Variants in ADGRL2 observed in about 807,000 individuals in gnomAD.
The protein encoded by ADGRL2 is adhesion G protein-coupled receptor L2.
A neutral mutation model predicts 157.4 loss-of-function variants in ADGRL2; 44 were observed. The observed-to-expected ratio is 0.28, with a 90% CI of 0.22 to 0.36. The LOEUF is 0.36. Ranked by LOEUF, ADGRL2 falls within the 10% of genes least tolerant of loss-of-function variation. The pLI, the probability that ADGRL2 is intolerant of heterozygous loss-of-function variation, is 1.00. For synonymous variants in ADGRL2, 585 were observed against 624.7 expected (o/e 0.94, Z 0.95); for missense variants, 1,510 against 1,768.9 (o/e 0.85, Z 2.63).
intron 1 of ADGRL2, among the ~76,000 whole-genome samples, chr1:81,393,796 C>A (rs976927000): frequency 6.7e-6 from 1 of 149,126 alleles, no homozygotes; most frequent in Non-Finnish European, 1.5e-5. Flanking sequence ...TGAACATCTA[C>A]TATGTTAATA....
intron 3 of ADGRL2, among the ~76,000 whole-genome samples, chr1:81,689,346 A>G (rs1341373213): frequency 2.0e-5 from 3 of 152,126 alleles, no homozygotes; most frequent in African/African-American, 4.8e-5. Context: ...TTTATTCGAC[A>G]TAGATCTGTT....
intron 2 of ADGRL2, among the ~76,000 whole-genome samples, chr1:81,466,984 C>CT (rs930813787): frequency 1.3e-5 from 2 of 150,724 alleles, no homozygotes; most frequent in African/African-American, 4.9e-5. Context: ...TGCCGTCTTC[C>CT]TTTCTTCCTT....
intron 3 of ADGRL2, among the ~76,000 whole-genome samples, chr1:81,636,761 A>G (rs1041358240): frequency 6.6e-6 from 1 of 152,194 alleles, no homozygotes; most frequent in African/African-American, 2.4e-5. Flanking sequence ...GCTAATGTGC[A>G]TTTTCATATA....
At chr1:81,559,382 A>G (rs368893704) in intron 2 of ADGRL2, among the ~76,000 whole-genome samples, 12 of 152,106 alleles carry the variant, frequency 7.9e-5, no homozygotes, top group African/African-American at 2.7e-4. Context: ...AATTGGTATC[A>G]TGTACAGTTC....
intron 1 of ADGRL2, among the ~76,000 whole-genome samples, chr1:81,714,127 C>T (rs971310156): frequency 6.6e-6 from 1 of 152,146 alleles, no homozygotes; most frequent in Admixed American, 6.5e-5. Flanking sequence ...ATTCCATTAC[C>T]TCCCACCAGG....
chr1:81,993,058 C>CATACATATATATAT lies in ADGRL2; in HGVS notation c.*1916_*1917insCATATATATATATA, dbSNP rs1664821766. On this transcript the variant is annotated 3_prime_UTR_variant, in exon 24 of 24. Coordinates refer to ENST00000686636, the MANE Select transcript of ADGRL2 (RefSeq NM_001366006.2). The stretch of plus-strand genomic sequence containing the variant: ...AAATTAAGTGCATATATATAATATA[C>CATACATATATATAT]ATATATATATATATATATATATATA... 2.4e-5 allele frequency among the ~76,000 whole-genome samples: 1 copy of CATACATATATATAT among 40,848 alleles called. No homozygotes were observed. The highest frequency in any genetic ancestry group is 3.8e-5 in the Non-Finnish European group (1 of 25,976). 26.8% of individuals were successfully genotyped at this position (40,848 alleles called of 152,430 possible).
chr1:81,389,343 A>C (rs1232273417), intron 1 of ADGRL2, among the ~76,000 whole-genome samples: 2 of 152,196 alleles, frequency 1.3e-5, no homozygotes, highest in Non-Finnish European at 2.9e-5. Flanking sequence ...TAAAAAGACA[A>C]AATAATTTTG....
chr1:81,471,795 A>G (rs1006741107), intron 2 of ADGRL2, among the ~76,000 whole-genome samples: 1 of 152,184 alleles, frequency 6.6e-6, no homozygotes, highest in Non-Finnish European at 1.5e-5. Flanking sequence ...TAAATTTTAT[A>G]TTTCATTTTA....
At chr1:81,615,282 G>A (rs993927848) in intron 3 of ADGRL2, among the ~76,000 whole-genome samples, 3 of 152,208 alleles carry the variant, frequency 2.0e-5, no homozygotes, top group Non-Finnish European at 4.4e-5. Context: ...CCAATCAGCA[G>A]GATGTGGGTG....
At chr1:81,784,792 G>A (rs375729930) in intron 2 of ADGRL2, among the ~76,000 whole-genome samples, 4 of 150,466 alleles carry the variant, frequency 2.7e-5, no homozygotes, top group Non-Finnish European at 4.4e-5. Context: ...AAAAAATTCC[G>A]CTTTTCAATG....
intron 2 of ADGRL2, among the ~76,000 whole-genome samples, chr1:81,763,924 T>G (rs2149318248): frequency 6.6e-6 from 1 of 152,200 alleles, no homozygotes; most frequent in South Asian, 2.1e-4. Context: ...GGGGATCGCT[T>G]GAACCCAGGA....
intron 1 of ADGRL2, among the ~76,000 whole-genome samples, chr1:81,436,734 A>G (rs1420339897): frequency 6.6e-6 from 1 of 152,180 alleles, no homozygotes; most frequent in African/African-American, 2.4e-5. Flanking sequence ...TATGCCAGGG[A>G]CTGGTCTGCT....
At chr1:81,690,364 A>G (rs1570844333) in intron 3 of ADGRL2, among the ~76,000 whole-genome samples, 2 of 152,266 alleles carry the variant, frequency 1.3e-5, no homozygotes, top group East Asian at 3.9e-4. Flanking sequence ...ATGGTGGTGC[A>G]TGCCTGTAGT....
At chr1:81,503,110 T>A (rs1174174056) in intron 2 of ADGRL2, 13 of 1,612,750 alleles carry the variant, frequency 8.1e-6, no homozygotes, top group Non-Finnish European at 1.1e-5. Context: ...GTCGAGGCTG[T>A]CTGAGGAGGA....
rs150892821 is a variant in ADGRL2 at position 81,458,426 on chromosome 1, C to T, written c.-248+13337C>T. On this transcript the variant is annotated intron_variant, in intron 2 of 24. Transcript: ENST00000370721. ...GAGTGAGAGGGAATGGCGCCCGGCA[C>T]GTTCTTTTCTGCTGCAGCCAGAGGA... Among the ~76,000 whole-genome samples the T allele has an allele frequency of 5.9e-3, 894 of 152,296 alleles. 10 individuals are homozygous for T. The highest frequency in any genetic ancestry group is 0.021 in the African/African-American group (853 of 41,558).
intron 2 of ADGRL2, among the ~76,000 whole-genome samples, chr1:81,846,563 A>G (rs370254296): frequency 1.3e-5 from 2 of 151,996 alleles, no homozygotes; most frequent in African/African-American, 4.8e-5. Flanking sequence ...AAAAGGATCC[A>G]AGTAAAATTC....
chr1:81,984,938 C>G (rs1662728672), intron 20 of ADGRL2, among the ~76,000 whole-genome samples: 1 of 151,942 alleles, frequency 6.6e-6, no homozygotes. Flanking sequence ...GTGTCATAAT[C>G]GTCTTATAGC....
chr1:81,502,710 C>T, intron 2 of ADGRL2: 1 of 1,613,580 alleles, frequency 6.2e-7, no homozygotes, highest in Non-Finnish European at 8.5e-7. Context: ...AGAAGAAAGC[C>T]TTGAGTTCCC....
intron 1 of ADGRL2, among the ~76,000 whole-genome samples, chr1:81,422,903 A>T (rs1415568112): frequency 6.6e-6 from 1 of 152,170 alleles, no homozygotes; most frequent in Non-Finnish European, 1.5e-5. Flanking sequence ...TTTCAAATCT[A>T]TGCTGTGTTG....
Sources: gnomAD v4.1 joint callset for allele counts (sites outside exome capture counted in the v4.1 genomes callset) on GRCh38, gnomAD v4.1.1 for gene constraint, MANE v1.5 for transcripts, NCBI Gene and HGNC (gene_info 2026-07-23, HGNC 2026-07-21) for gene names.